Variants in GLT8D2 observed in about 807,000 individuals in gnomAD.
GLT8D2 encodes the protein glycosyltransferase 8 domain containing 2.
Under a neutral mutation model 44.5 loss-of-function variants are expected in GLT8D2, and 45 were observed. The observed-to-expected ratio is 1.01, with a 90% CI of 0.80 to 1.30. The LOEUF is 1.30. GLT8D2 is among the 50% of genes most tolerant of loss of function. The pLI is 0.00. For synonymous variants in GLT8D2, 156 were observed against 157.2 expected, an observed-to-expected ratio of 0.99 and a Z score of 0.06; for missense variants, 400 against 430.4, an observed-to-expected ratio of 0.93 and a Z score of 0.62.
chr12:104,021,936 GAA>G lies in GLT8D2; in HGVS notation c.-163-447_-163-446del, dbSNP rs1566202450. On this transcript the variant is annotated intron_variant, in intron 1 of 10. Transcript: ENST00000360814. The stretch of plus-strand genomic sequence containing the variant: ...AGAAGAAGAAGAAGAAGAAGAAGAA[GAA>G]GAAGAAGAAGAAGAAGAGGAAGAAG... Among the ~76,000 whole-genome samples, 172 of 25,592 alleles carry G rather than the reference GAA, an allele frequency of 6.7e-3. 7 individuals carry two copies. Among genetic ancestry groups the G allele is most frequent in the East Asian group, 0.014 (7 of 488 alleles). The allele number at this position is 25,592 out of a possible 152,430, so 16.8% of individuals were successfully genotyped here.
intron 1 of GLT8D2, among the ~76,000 whole-genome samples, chr12:104,025,153 A>C (rs1383122494): frequency 1.3e-5 from 2 of 151,442 alleles, no homozygotes; most frequent in Non-Finnish European, 2.9e-5. Flanking sequence ...TCAGTCTCTT[A>C]ACAATAAATT....
chr12:104,058,788 T>C (rs1882391992), intron 1 of GLT8D2, among the ~76,000 whole-genome samples: 1 of 152,178 alleles, frequency 6.6e-6, no homozygotes. Context: ...CTCTAACATA[T>C]GCCTAAAAAG....
chr12:104,011,475 G>A (rs1195983226), intron 4 of GLT8D2, among the ~76,000 whole-genome samples: 2 of 152,094 alleles, frequency 1.3e-5, no homozygotes, highest in African/African-American at 2.4e-5. Context: ...TTCAAATAAG[G>A]ATTGTTTTAG....
chr12:104,056,491 G>A (rs1011194288), intron 1 of GLT8D2, among the ~76,000 whole-genome samples: 1 of 152,204 alleles, frequency 6.6e-6, no homozygotes, highest in Non-Finnish European at 1.5e-5. Context: ...TCAGGAGGAG[G>A]AATAGAAAGT....
chr12:104,016,717 AAG>A (rs1487309791), intron 3 of GLT8D2, among the ~76,000 whole-genome samples: 968 of 41,016 alleles, frequency 0.024, 13 homozygotes, highest in Middle Eastern at 0.074. Flanking sequence ...GAGAGAAAGA[AAG>A]AAAGAAAGAA....
chr12:104,036,819 G>C (rs1187114101), intron 1 of GLT8D2, among the ~76,000 whole-genome samples: 1 of 152,300 alleles, frequency 6.6e-6, no homozygotes, highest in East Asian at 1.9e-4. Context: ...GACCTCAATA[G>C]ACATCTACAG....
rs1288863137 is a variant in GLT8D2, at chr12:104,016,764, AAAGAAAGAAAG to A, written c.20-1670_20-1660del. On this transcript the variant is annotated intron_variant, in intron 3 of 10. Coordinates refer to ENST00000360814, the MANE Select transcript of GLT8D2 (RefSeq NM_001384711.1). ...GAAAGAAAGAAAGAAAGAAAGAAAG[AAAGAAAGAAAG>A]AAGGAAGGAAGGAAGGAAGGAAGGA... 4.8e-4 allele frequency among the ~76,000 whole-genome samples: 47 copies of A among 98,594 alleles called. 1 individual carries two copies. The highest frequency in any genetic ancestry group is 2.0e-3 in the East Asian group (7 of 3,454). The allele number at this position is 98,594 out of a possible 152,430, so 64.7% of individuals were successfully genotyped here.
intron 2 of GLT8D2, among the ~76,000 whole-genome samples, chr12:104,021,043 GA>G (rs1877557170): frequency 6.6e-6 from 1 of 152,208 alleles, no homozygotes; most frequent in East Asian, 1.9e-4. Flanking sequence ...GATGGTAAAG[GA>G]GAGTGAATAC....
Position 103,997,523 on chromosome 12 carries a change from G to T in GLT8D2, c.415C>A (p.Arg139=). Residue 139 remains arginine, a synonymous_variant, in exon 7 of 11, where the codon CGA becomes AGA. Transcript: ENST00000360814. Reference sequence around the variant, plus strand: ...TGGATAAGTAGAGGGAGATAAAATCGAACAAAGTTCAGCTGTTAAAACGAC... The same window carrying T: ...TGGATAAGTAGAGGGAGATAAAATCTAACAAAGTTCAGCTGTTAAAACGAC... ...PELLQPLNFV[R]FYLPLLIHQH... The T allele has an allele frequency of 6.2e-7, 1 of 1,612,914 alleles. No homozygotes were observed. Among genetic ancestry groups the T allele is most frequent in the South Asian group, 1.1e-5 (1 of 91,006 alleles).
intron 6 of GLT8D2, among the ~76,000 whole-genome samples, chr12:103,998,908 C>T (rs1873844059): frequency 6.6e-6 from 1 of 152,134 alleles, no homozygotes; most frequent in Non-Finnish European, 1.5e-5. Flanking sequence ...AGTAAAATAC[C>T]TTAAGATTTC....
Position 104,021,939 on chromosome 12 carries a change from GAA to G in GLT8D2, c.-163-450_-163-449del, listed in dbSNP as rs1566202476. Among the ~76,000 whole-genome samples the G allele has an allele frequency of 4.5e-3, 120 of 26,748 alleles. 8 individuals are homozygous for G. Among genetic ancestry groups the G allele is most frequent in the Middle Eastern group, 0.031 (2 of 64 alleles). The allele number at this position is 26,748 out of a possible 152,430, so 17.5% of individuals were successfully genotyped here. Reference sequence around the variant, plus strand: ...AGAAGAAGAAGAAGAAGAAGAAGAAGAAGAAGAAGAAGAAGAGGAAGAAGAGG... The same window carrying G: ...AGAAGAAGAAGAAGAAGAAGAAGAAGGAAGAAGAAGAAGAGGAAGAAGAGG... On this transcript the variant is annotated intron_variant, in intron 1 of 10. Coordinates refer to ENST00000360814, the MANE Select transcript of GLT8D2 (RefSeq NM_001384711.1).
chr12:104,047,308 T>C (rs1321962811), intron 1 of GLT8D2, among the ~76,000 whole-genome samples: 1 of 149,334 alleles, frequency 6.7e-6, no homozygotes, highest in Non-Finnish European at 1.5e-5. Context: ...CTTAGGCCTT[T>C]TTTTTTTTTT....
intron 4 of GLT8D2, among the ~76,000 whole-genome samples, chr12:104,006,391 A>C (rs1269304464): frequency 6.6e-6 from 1 of 152,202 alleles, no homozygotes; most frequent in Non-Finnish European, 1.5e-5. Context: ...AGATAAATAA[A>C]TAAATAAAAG....
intron 9 of GLT8D2, 135 bp from the exon 10 acceptor site, chr12:103,993,639 A>G (rs998642149): frequency 1.7e-6 from 1 of 603,254 alleles, no homozygotes; most frequent in Non-Finnish European, 2.8e-6. Context: ...ATTCTCCCCC[A>G]AATTTTCATT....
intron 4 of GLT8D2, chr12:104,014,242 C>A (rs1408145286): frequency 1.4e-6 from 1 of 696,538 alleles, no homozygotes; most frequent in African/African-American, 1.8e-5. Context: ...GTAGTTCCAA[C>A]TTCCTGGGGT....
intron 1 of GLT8D2, among the ~76,000 whole-genome samples, chr12:104,021,933 GAAGAAGAAGAAGAA>G (rs1877796888): frequency 4.0e-5 from 1 of 24,822 alleles, no homozygotes; most frequent in Admixed American, 5.3e-4. Context: ...AGAAGAAGAA[GAAGAAGAAGAAGAA>G]GAAGAAGAGG....
chr12:103,996,352 A>C (rs1873421015), intron 8 of GLT8D2, among the ~76,000 whole-genome samples: 1 of 152,234 alleles, frequency 6.6e-6, no homozygotes, highest in African/African-American at 2.4e-5. Flanking sequence ...AGAAAACATC[A>C]TCTCTGACAG....
At chr12:104,031,270 G>T in intron 1 of GLT8D2, 21 of 1,583,182 alleles carry the variant, frequency 1.3e-5, no homozygotes, top group Non-Finnish European at 1.8e-5. Flanking sequence ...CCAGAGCTCT[G>T]CCCTTCTGGA....
intron 1 of GLT8D2, among the ~76,000 whole-genome samples, chr12:104,062,522 T>C (rs1439052382): frequency 6.6e-6 from 1 of 151,546 alleles, no homozygotes; most frequent in Non-Finnish European, 1.5e-5. Flanking sequence ...GAAAAAAGAG[T>C]TTTAGGAAAT....
Sources: allele counts gnomAD v4.1 joint callset (sites outside exome capture counted in the v4.1 genomes callset), GRCh38; gene constraint gnomAD v4.1.1; transcripts MANE v1.5; gene names NCBI Gene and HGNC (gene_info 2026-07-23, HGNC 2026-07-21).